Variants in C1orf21 observed in about 807,000 individuals in gnomAD.
The protein encoded by C1orf21 is uncharacterized protein C1orf21.
A neutral mutation model predicts 18.7 loss-of-function variants in C1orf21; 3 were observed. The ratio of observed to expected loss-of-function variants is 0.16; its 90% CI spans 0.07 to 0.42. C1orf21 has a LOEUF of 0.42. C1orf21 is among the 10% of genes least tolerant of loss of function. The pLI is 0.99. For missense variants in C1orf21, 104 were observed against 143.6 expected (o/e 0.72, Z 1.41); for synonymous variants, 41 against 46.4 (o/e 0.88, Z 0.47).
intron 5 of C1orf21, among the ~76,000 whole-genome samples, chr1:184,606,420 A>T (rs571813056): frequency 3.9e-4 from 59 of 152,290 alleles, no homozygotes; most frequent in African/African-American, 1.3e-3. Context: ...TACAAAAAAT[A>T]AAAATAAAAA....
At chr1:184,500,340 G>A (rs1217182606) in intron 2 of C1orf21, among the ~76,000 whole-genome samples, 1 of 152,142 alleles carries the variant, frequency 6.6e-6, no homozygotes, top group Non-Finnish European at 1.5e-5. Context: ...GTCTGGCCTC[G>A]GGAATGATGA....
At chr1:184,527,903 T>G (rs2101971879) in intron 3 of C1orf21, among the ~76,000 whole-genome samples, 1 of 152,364 alleles carries the variant, frequency 6.6e-6, no homozygotes, top group South Asian at 2.1e-4. Flanking sequence ...CAGTTAATTT[T>G]ATTTACAGTT....
At chr1:184,591,611 CCTGG>C (rs1420989930) in intron 4 of C1orf21, among the ~76,000 whole-genome samples, 1 of 152,010 alleles carries the variant, frequency 6.6e-6, no homozygotes, top group African/African-American at 2.4e-5. Flanking sequence ...TCGAGACCAT[CCTGG>C]CTAACACGAT....
At chr1:184,613,354 A>G (rs968807791) in intron 5 of C1orf21, among the ~76,000 whole-genome samples, 1 of 152,250 alleles carries the variant, frequency 6.6e-6, no homozygotes, top group African/African-American at 2.4e-5. Context: ...ATGGATAAGC[A>G]GAGACAACTG....
At chr1:184,405,956 G>C (rs750273811) in intron 1 of C1orf21, among the ~76,000 whole-genome samples, 1 of 152,144 alleles carries the variant, frequency 6.6e-6, no homozygotes, top group Non-Finnish European at 1.5e-5. Flanking sequence ...CAGCAGGAGA[G>C]TTTTTATAGT....
At chr1:184,551,324 C>T (rs1330862169) in intron 3 of C1orf21, among the ~76,000 whole-genome samples, 2 of 152,096 alleles carry the variant, frequency 1.3e-5, no homozygotes, top group East Asian at 3.8e-4. Context: ...AATATAAAAG[C>T]AGTGGAAGAA....
intron 3 of C1orf21, among the ~76,000 whole-genome samples, chr1:184,571,283 C>T (rs1659107676): frequency 8.8e-6 from 1 of 113,600 alleles, no homozygotes; most frequent in East Asian, 2.5e-4. Context: ...GGCGACAGAG[C>T]GAGACTCCGT....
intron 1 of C1orf21, among the ~76,000 whole-genome samples, chr1:184,429,946 A>G (rs183229861): frequency 6.6e-6 from 1 of 151,962 alleles, no homozygotes; most frequent in African/African-American, 2.4e-5. Flanking sequence ...GTCTCTACTA[A>G]AAATACAAAA....
chr1:184,597,545 A>G (rs1659532867), intron 4 of C1orf21, among the ~76,000 whole-genome samples: 1 of 152,120 alleles, frequency 6.6e-6, no homozygotes, highest in Non-Finnish European at 1.5e-5. Context: ...GTAGGCACTG[A>G]TAGTAACTAA....
intron 1 of C1orf21, among the ~76,000 whole-genome samples, chr1:184,446,851 G>GTTTT (rs928078620): frequency 7.7e-6 from 1 of 129,132 alleles, no homozygotes; most frequent in African/African-American, 2.9e-5. Context: ...TTTTTTCGTG[G>GTTTT]TTTTTTTTTT....
At chr1:184,415,962 G>T (rs917844918) in intron 1 of C1orf21, among the ~76,000 whole-genome samples, 1 of 152,118 alleles carries the variant, frequency 6.6e-6, no homozygotes, top group African/African-American at 2.4e-5. Context: ...ATCTTCTCAG[G>T]AATATAATCG....
intron 4 of C1orf21, among the ~76,000 whole-genome samples, chr1:184,596,191 A>G (rs963444554): frequency 1.3e-5 from 2 of 152,156 alleles, no homozygotes; most frequent in African/African-American, 4.8e-5. Flanking sequence ...TGCAGTTTTC[A>G]TGTTGTGGTA....
intron 5 of C1orf21, among the ~76,000 whole-genome samples, chr1:184,598,882 A>G (rs1389661150): frequency 1.3e-5 from 2 of 152,296 alleles, no homozygotes; most frequent in East Asian, 3.9e-4. Flanking sequence ...ACCTAATTCA[A>G]TTTATACTTA....
chr1:184,404,822 C>A (rs953371364), intron 1 of C1orf21, among the ~76,000 whole-genome samples: 11 of 152,124 alleles, frequency 7.2e-5, no homozygotes, highest in East Asian at 3.9e-4. Context: ...ACTCTCTACC[C>A]CCTCGTGATG....
chr1:184,478,978 GTAA>G (rs1274257990), intron 2 of C1orf21, among the ~76,000 whole-genome samples: 2 of 51,548 alleles, frequency 3.9e-5, no homozygotes, highest in Non-Finnish European at 3.8e-5. Context: ...TTGGTTCATT[GTAA>G]TGATTGTTTT....
chr1:184,598,294 A>G, intron 4 of C1orf21, 107 bp from the exon 5 acceptor site: 3 of 943,304 alleles, frequency 3.2e-6, no homozygotes, highest in South Asian at 1.7e-5. Flanking sequence ...AAAGTCTGCA[A>G]TAAATAAATG....
At chr1:184,584,124 G>C (rs1659320230) in intron 3 of C1orf21, among the ~76,000 whole-genome samples, 1 of 114,132 alleles carries the variant, frequency 8.8e-6, no homozygotes, top group African/African-American at 3.3e-5. Flanking sequence ...TTGTTTGCTT[G>C]TTCTTCTTCT....
At chr1:184,493,838 A>G (rs1221675612) in intron 2 of C1orf21, among the ~76,000 whole-genome samples, 3 of 152,172 alleles carry the variant, frequency 2.0e-5, no homozygotes, top group South Asian at 4.1e-4. Flanking sequence ...CTTGTTTCCC[A>G]TGATGCAATT....
chr1:184,554,926 A>G (rs1176843073), intron 3 of C1orf21, among the ~76,000 whole-genome samples: 2 of 152,206 alleles, frequency 1.3e-5, no homozygotes, highest in Non-Finnish European at 2.9e-5. Flanking sequence ...GAATATACAC[A>G]TTTCTCTGAT....
Sources: allele counts gnomAD v4.1 joint callset (sites outside exome capture counted in the v4.1 genomes callset), GRCh38; gene constraint gnomAD v4.1.1; transcripts MANE v1.5; gene names NCBI Gene and HGNC (gene_info 2026-07-23, HGNC 2026-07-21).